The following INPP4B variants were observed in gnomAD, a reference collection of about 807,000 sequenced individuals.
The protein encoded by INPP4B is inositol polyphosphate 4-phosphatase type II.
In INPP4B, 55 loss-of-function variants were observed where a neutral mutation model predicts 122.5. The observed-to-expected ratio is 0.45, with a 90% CI of 0.36 to 0.56. The LOEUF (loss-of-function observed/expected upper bound fraction) is 0.56. Ranked by LOEUF, INPP4B falls within the 20% of genes least tolerant of loss-of-function variation. INPP4B has a pLI of 0.00. For missense variants in INPP4B, 1,000 were observed against 1,097.7 expected (o/e 0.91, Z 1.26); for synonymous variants, 403 against 388.7 (o/e 1.04, Z -0.43).
At chr4:142,621,221 G>C (rs1744848496) in intron 2 of INPP4B, among the ~76,000 whole-genome samples, 1 of 151,886 alleles carries the variant, frequency 6.6e-6, no homozygotes, top group Admixed American at 6.6e-5. Flanking sequence ...TAAGAATGGA[G>C]TGTAAATCCT....
rs561593650 is a variant in INPP4B, at chr4:142,405,848, G to C, written c.137-524C>G. 2.6e-5 allele frequency among the ~76,000 whole-genome samples: 4 copies of C among 152,070 alleles called. No homozygotes were observed. In the South Asian group the frequency reaches 8.3e-4, roughly 32 times the overall value. ...GGAGAGCAGTTTCTCAACCACAACA[G>C]CACACAAGCAGGGGAAGAGGAAGCA... On this transcript the variant is annotated intron_variant, in intron 5 of 25. Coordinates refer to ENST00000262992, the MANE Select transcript of INPP4B (RefSeq NM_001101669.3).
intron 23 of INPP4B, among the ~76,000 whole-genome samples, chr4:142,095,543 T>G (rs1223393431): frequency 6.6e-6 from 1 of 152,162 alleles, no homozygotes; most frequent in Non-Finnish European, 1.5e-5. Flanking sequence ...GTCTCAATAT[T>G]TTCAGTATCC....
chr4:142,423,183 T>C (rs1807304614), intron 5 of INPP4B, among the ~76,000 whole-genome samples: 1 of 152,092 alleles, frequency 6.6e-6, no homozygotes, highest in African/African-American at 2.4e-5. Context: ...AATTCATAAG[T>C]TGGGCCTCTT....
intron 3 of INPP4B, among the ~76,000 whole-genome samples, chr4:142,433,494 T>C (rs1025256325): frequency 1.3e-5 from 2 of 152,186 alleles, no homozygotes; most frequent in Admixed American, 6.5e-5. Context: ...AGTTCAGTTA[T>C]ATTTAATTGA....
chr4:142,196,165 T>C (rs1470741009), intron 14 of INPP4B, among the ~76,000 whole-genome samples: 4 of 152,226 alleles, frequency 2.6e-5, no homozygotes, highest in Non-Finnish European at 5.9e-5. Context: ...GAACCATCTA[T>C]ATTATAACTC....
At chr4:142,652,229 TAA>T (rs1753121271) in intron 2 of INPP4B, among the ~76,000 whole-genome samples, 1 of 152,108 alleles carries the variant, frequency 6.6e-6, no homozygotes, top group African/African-American at 2.4e-5. Flanking sequence ...CACAAAATAA[TAA>T]GAGCTATTTA....
chr4:142,245,898 A>G lies in INPP4B; in HGVS notation c.689-7887T>C, dbSNP rs189726976. ...CATATATATGTGTATGTATACATAT[A>G]TGTGTATGTATACATATATATGTGT... On this transcript the variant is annotated intron_variant, in intron 11 of 25. Coordinates refer to ENST00000262992, the MANE Select transcript of INPP4B (RefSeq NM_001101669.3). Among the ~76,000 whole-genome samples the G allele has an allele frequency of 8.3e-4, 20 of 24,234 alleles. 1 individual carries two copies. The highest frequency in any genetic ancestry group is 4.9e-3 in the East Asian group (2 of 408). The allele number at this position is 24,234 out of a possible 152,430, so 15.9% of individuals were successfully genotyped here. A position where few individuals can be genotyped will look rare whatever the true frequency, so the allele number is the denominator to read the frequency against.
chr4:142,314,644 C>A, intron 8 of INPP4B, 68 bp downstream of exon 8: 1 of 1,439,668 alleles, frequency 6.9e-7, no homozygotes, highest in Non-Finnish European at 9.6e-7. Context: ...AGCAGGAGGC[C>A]AGAGAAAATC....
At chr4:142,458,264 T>A (rs2149564601) in intron 3 of INPP4B, among the ~76,000 whole-genome samples, 1 of 152,162 alleles carries the variant, frequency 6.6e-6, no homozygotes, top group East Asian at 1.9e-4. Flanking sequence ...AAAAGTCCAG[T>A]AAGTAAGCAG....
intron 2 of INPP4B, among the ~76,000 whole-genome samples, chr4:142,533,302 G>C (rs1232741731): frequency 6.6e-6 from 1 of 152,200 alleles, no homozygotes; most frequent in Middle Eastern, 3.4e-3. Context: ...TGCCATCAGT[G>C]TGAGGAAAAA....
At chr4:142,270,338 G>C (rs566718436) in intron 10 of INPP4B, among the ~76,000 whole-genome samples, 33 of 152,260 alleles carry the variant, frequency 2.2e-4, no homozygotes, top group African/African-American at 7.2e-4. Context: ...AGAATCTTCT[G>C]GCATCTCACA....
chr4:142,349,137 G>A (rs2151787822), intron 7 of INPP4B, among the ~76,000 whole-genome samples: 1 of 152,060 alleles, frequency 6.6e-6, no homozygotes, highest in South Asian at 2.1e-4. Flanking sequence ...TACAATCTAA[G>A]CTAAAATAAA....
At chr4:142,720,481 A>G (rs1186167735) in intron 2 of INPP4B, among the ~76,000 whole-genome samples, 1 of 151,966 alleles carries the variant, frequency 6.6e-6, no homozygotes, top group African/African-American at 2.4e-5. Context: ...CAAGTCCCTT[A>G]TATAAAACGG....
At chr4:142,202,736 A>C in intron 14 of INPP4B, 1 of 984,404 alleles carries the variant, frequency 1.0e-6, no homozygotes, top group Non-Finnish European at 1.2e-6. Flanking sequence ...GCTTCTTTTC[A>C]TACCAATTTG....
At chr4:142,051,593 C>G (rs1036415340) in intron 25 of INPP4B, among the ~76,000 whole-genome samples, 1 of 151,768 alleles carries the variant, frequency 6.6e-6, no homozygotes, top group African/African-American at 2.4e-5. Flanking sequence ...TTGTGATATT[C>G]GAAGGAGATA....
chr4:142,033,052 G>T (rs1741377499), intron 25 of INPP4B, among the ~76,000 whole-genome samples: 2 of 152,092 alleles, frequency 1.3e-5, no homozygotes, highest in Non-Finnish European at 2.9e-5. Flanking sequence ...ACTTTGGAGA[G>T]AGGAAAGCTT....
intron 12 of INPP4B, among the ~76,000 whole-genome samples, chr4:142,229,674 GA>G (rs1405461915): frequency 6.6e-6 from 1 of 152,286 alleles, no homozygotes; most frequent in East Asian, 1.9e-4. Context: ...AGAGATGCCA[GA>G]ATATCACTCA....
chr4:142,497,677 C>T (rs1424562761), intron 2 of INPP4B, among the ~76,000 whole-genome samples: 1 of 152,132 alleles, frequency 6.6e-6, no homozygotes, highest in African/African-American at 2.4e-5. Context: ...ATTTTAATTT[C>T]ATTGACTTTT....
intron 18 of INPP4B, among the ~76,000 whole-genome samples, chr4:142,140,792 G>A (rs554140262): frequency 6.6e-6 from 1 of 152,152 alleles, no homozygotes; most frequent in African/African-American, 2.4e-5. Context: ...AAGCCTGAAG[G>A]ATAGGTCAAA....
Sources: gnomAD v4.1 joint callset for allele counts (sites outside exome capture counted in the v4.1 genomes callset) on GRCh38, gnomAD v4.1.1 for gene constraint, MANE v1.5 for transcripts, NCBI Gene and HGNC (gene_info 2026-07-23, HGNC 2026-07-21) for gene names.